Variants in CDK18 observed in about 807,000 individuals in gnomAD.
CDK18 encodes the protein cyclin-dependent kinase 18.
Under a neutral mutation model 62.0 loss-of-function variants are expected in CDK18, and 52 were observed. The observed-to-expected ratio is 0.84, with a 90% CI of 0.67 to 1.06. The LOEUF (loss-of-function observed/expected upper bound fraction) is 1.06, where lower values mean the gene tolerates loss of function less well. CDK18 is among the 50% of genes least tolerant of loss of function. CDK18 has a pLI of 0.00. For synonymous variants in CDK18, 237 were observed against 247.0 expected (o/e 0.96, Z 0.38); for missense variants, 604 against 619.9 (o/e 0.97, Z 0.27).
At position 205,529,087 on chromosome 1, in the gene CDK18, C is replaced by G. The variant is rs1260276246; in HGVS notation, c.1063C>G (p.Arg355Gly). ...CAAGGAGGAGCTGCACCTCATCTTT[C>G]GCCTCCTCGGTCAGTCTCCCGCTGC... ...TVKEELHLIF[R>G]LLGTPTEETW... The change falls in exon 11 of 16, where the codon CGC (arginine) becomes GGC (glycine). Residue 355 changes from arginine to glycine, a missense_variant. Transcript: ENST00000429964. The G allele has an allele frequency of 6.3e-7, 1 of 1,580,450 alleles. No individual in the cohort carries two copies. Among genetic ancestry groups the G allele is most frequent in the Admixed American group, 1.8e-5 (1 of 55,022 alleles).
intron 1 of CDK18, among the ~76,000 whole-genome samples, chr1:205,508,430 G>A (rs547069581): frequency 6.6e-6 from 1 of 152,250 alleles, no homozygotes; most frequent in African/African-American, 2.4e-5. Context: ...TGGTAGCTGG[G>A]CCTGGCTGGA....
chr1:205,516,400 C>G lies in CDK18; in HGVS notation c.-21-6747C>G, dbSNP rs1306102394. On this transcript the variant is annotated intron_variant, in intron 1 of 15. Coordinates refer to ENST00000429964, the MANE Select transcript of CDK18 (RefSeq NM_212502.3). The surrounding 1 kb of genome is among the most constrained non-coding windows in gnomAD (Gnocchi z 4.8). ...AGCCTTCGTGACTGAAGGGAAGACC[C>G]TCTGGGCTTCAGAAAGTGGGCAGCC... 1.3e-5 allele frequency among the ~76,000 whole-genome samples: 2 copies of G among 152,176 alleles called. No individual in the cohort carries two copies. The highest frequency in any genetic ancestry group is 1.5e-5 in the Non-Finnish European group (1 of 68,032).
intron 1 of CDK18, among the ~76,000 whole-genome samples, chr1:205,518,004 T>C (rs554900834): frequency 2.0e-5 from 3 of 152,284 alleles, no homozygotes; most frequent in African/African-American, 4.8e-5. Context: ...GAACCAGACT[T>C]ACTTCTGCCT....
intron 2 of CDK18, 22 bp from the exon 3 acceptor site, chr1:205,523,461 A>G (rs1033972477): frequency 6.3e-7 from 1 of 1,593,514 alleles, no homozygotes; most frequent in South Asian, 1.1e-5. Flanking sequence ...CAGGGAGGGG[A>G]GCTGACGCCT....
At position 205,517,574 on chromosome 1, in the gene CDK18, C is replaced by G. The variant is rs1667884320; in HGVS notation, c.-21-5573C>G. On this transcript the variant is annotated intron_variant, in intron 1 of 15. Coordinates refer to ENST00000429964, the MANE Select transcript of CDK18 (RefSeq NM_212502.3). This position sits in a 1 kb window ranked among gnomAD's most constrained non-coding sequence, Gnocchi z 4.1. ...GTCTTCCCACTGAAACCACTACTCCCAGAATGCCTTGTCTCCTCCAGTGAC... is the reference window on the plus strand; with the variant it reads ...GTCTTCCCACTGAAACCACTACTCCGAGAATGCCTTGTCTCCTCCAGTGAC... Among the ~76,000 whole-genome samples the G allele has an allele frequency of 6.6e-6, 1 of 152,104 alleles. No homozygotes were observed. Among genetic ancestry groups the G allele is most frequent in the Non-Finnish European group, 1.5e-5 (1 of 68,026 alleles).
intron 1 of CDK18, among the ~76,000 whole-genome samples, chr1:205,520,710 A>AG (rs1200164048): frequency 1.3e-5 from 2 of 151,872 alleles, no homozygotes; most frequent in Non-Finnish European, 2.9e-5. Context: ...AAAAAAAAAA[A>AG]AAAGAAAAAA....
intron 11 of CDK18, 83 bp downstream of exon 11, chr1:205,529,179 G>T (rs1485140935): frequency 7.2e-7 from 1 of 1,389,582 alleles, no homozygotes; most frequent in Non-Finnish European, 9.9e-7. Context: ...GGACGGGGAG[G>T]AGCGGCTCGG....
intron 1 of CDK18, among the ~76,000 whole-genome samples, chr1:205,513,406 C>G (rs1180094473): frequency 6.6e-6 from 1 of 152,254 alleles, no homozygotes; most frequent in Non-Finnish European, 1.5e-5. Flanking sequence ...CTTGTCCCAT[C>G]TTATCACTTG....
In CDK18 at chr1:205,528,812, C is replaced by G. The variant is rs12408209; in HGVS notation, c.975-187C>G. 0.21 allele frequency: 100,518 copies of G among 474,386 alleles called. 11,386 individuals carry two copies. The highest frequency in any genetic ancestry group is 0.3 in the African/African-American group (15,235 of 50,616). The allele number at this position is 474,386 out of a possible 1,614,324, so 29.4% of individuals were successfully genotyped here. ...CTTTCCCGAGCCCAGGGAAGCCCCCCAGAGAGGGGCTGTAGTGGGGGCTGG... is the reference window on the plus strand; with the variant it reads ...CTTTCCCGAGCCCAGGGAAGCCCCCGAGAGAGGGGCTGTAGTGGGGGCTGG... On this transcript the variant is annotated intron_variant, in intron 10 of 15. Transcript: ENST00000429964. This position sits in a 1 kb window ranked among gnomAD's most constrained non-coding sequence, Gnocchi z 4.2.
chr1:205,506,842 C>T (rs1464474898), intron 1 of CDK18, among the ~76,000 whole-genome samples: 3 of 152,206 alleles, frequency 2.0e-5, no homozygotes, highest in Admixed American at 6.5e-5. Context: ...CTCCATGGGG[C>T]ACAGGAGAGA....
chr1:205,526,746 G>C, intron 7 of CDK18, 29 bp from the exon 8 acceptor site: 4 of 1,601,774 alleles, frequency 2.5e-6, no homozygotes. Flanking sequence ...TCAGCGTGGG[G>C]CAGGACTGAG....
At position 205,528,226 on chromosome 1, in the gene CDK18, C is replaced by T. The variant is rs373776805; in HGVS notation, c.974+58C>T. ...GGACAGGCCTGGCCACACCTCCAGA[C>T]TCTCCTTTGCTTCCCCAAGGGCCTC... On this transcript the variant is annotated intron_variant, in intron 10 of 15. Coordinates refer to ENST00000429964, the MANE Select transcript of CDK18 (RefSeq NM_212502.3). This position sits in a 1 kb window ranked among gnomAD's most constrained non-coding sequence, Gnocchi z 4.2. The T allele has an allele frequency of 1.3e-6, 2 of 1,580,982 alleles. No homozygotes were observed. The highest frequency in any genetic ancestry group is 2.3e-5 in the East Asian group (1 of 44,226).
intron 1 of CDK18, among the ~76,000 whole-genome samples, chr1:205,521,318 C>G (rs2102299256): frequency 6.6e-6 from 1 of 152,308 alleles, no homozygotes; most frequent in East Asian, 1.9e-4. Context: ...TTCAAGCAAT[C>G]CTCCTGCTTC....
chr1:205,506,059 A>G (rs1667291490), intron 1 of CDK18, among the ~76,000 whole-genome samples: 3 of 152,126 alleles, frequency 2.0e-5, no homozygotes. Context: ...ATTCCTGGAC[A>G]CGGGCCTGAG....
intron 1 of CDK18, among the ~76,000 whole-genome samples, chr1:205,511,898 C>CA (rs1368042976): frequency 6.6e-6 from 1 of 152,062 alleles, no homozygotes; most frequent in African/African-American, 2.4e-5. Flanking sequence ...TACTAAAATA[C>CA]AAAAAATTAG....
Position 205,517,188 on chromosome 1 carries a change from C to T in CDK18, c.-21-5959C>T, listed in dbSNP as rs964768601. Among the ~76,000 whole-genome samples, 1 of 152,158 alleles carries T rather than the reference C, an allele frequency of 6.6e-6. No individual in the cohort carries two copies. Among genetic ancestry groups the T allele is most frequent in the African/African-American group, 2.4e-5 (1 of 41,434 alleles). ...AAGATGGGGCTTGTCTGCCAGTAGC[C>T]GGGGTTCCCTGCCTTGCACGGGCCC... On this transcript the variant is annotated intron_variant, in intron 1 of 15. Coordinates refer to ENST00000429964, the MANE Select transcript of CDK18 (RefSeq NM_212502.3). This position sits in a 1 kb window ranked among gnomAD's most constrained non-coding sequence, Gnocchi z 4.1.
At chr1:205,521,542 G>A (rs1216554923) in intron 1 of CDK18, among the ~76,000 whole-genome samples, 1 of 152,230 alleles carries the variant, frequency 6.6e-6, no homozygotes, top group Non-Finnish European at 1.5e-5. Flanking sequence ...AACTGAGTGA[G>A]ACTTCAGGGC....
At position 205,516,682 on chromosome 1, in the gene CDK18, TG is replaced by T; in HGVS notation, c.-21-6460del. On this transcript the variant is annotated intron_variant, in intron 1 of 15. Transcript: ENST00000429964. The surrounding 1 kb of genome is among the most constrained non-coding windows in gnomAD (Gnocchi z 4.8). ...TTGAAGGAGGGGCACCTGGTGGTCC[TG>T]GGGGTGGGGTGGAGTGAGTTCCAGG... is the stretch of plus-strand genomic sequence containing the variant. The T allele has an allele frequency of 6.6e-6, 1 of 152,274 alleles. No individual in the cohort carries two copies. The highest frequency in any genetic ancestry group is 1.5e-5 in the Non-Finnish European group (1 of 68,078). The allele number at this position is 152,274 out of a possible 1,614,324, so 9.4% of individuals were successfully genotyped here.
Position 205,505,906 on chromosome 1 carries a change from T to C in CDK18, c.-22+1110T>C, listed in dbSNP as rs1408197078. On this transcript the variant is annotated intron_variant, in intron 1 of 15. Transcript: ENST00000429964. ...ACTGTCTCCCCTTCTTCCCCACCCC[T>C]AGCCCAGCCCTCGGCAGTTCCCCAG... is the stretch of plus-strand genomic sequence containing the variant. Among the ~76,000 whole-genome samples, 3 of 152,118 alleles carry C rather than the reference T, an allele frequency of 2.0e-5. No homozygotes were observed. In the East Asian group the frequency reaches 5.8e-4, roughly 29 times the overall value.
Sources: allele counts gnomAD v4.1 joint callset (sites outside exome capture counted in the v4.1 genomes callset), GRCh38; gene constraint gnomAD v4.1.1; non-coding constraint Gnocchi (gnomAD v3.1); transcripts MANE v1.5; gene names NCBI Gene and HGNC (gene_info 2026-07-23, HGNC 2026-07-21).